Variants in LOXL2 observed in about 807,000 individuals in gnomAD.
The protein encoded by LOXL2 is lysyl oxidase like 2, also known as lysyl oxidase homolog 2.
In LOXL2, 70 loss-of-function variants were observed where a neutral mutation model predicts 93.0. That is an observed-to-expected ratio of 0.75 (90% CI 0.62 to 0.92). The LOEUF is 0.92. Among genes scored for constraint, LOXL2 ranks in the 40% least tolerant of loss-of-function variants. The pLI is 0.00. For missense variants in LOXL2, 973 were observed against 1,054.9 expected, an observed-to-expected ratio of 0.92 and a Z score of 1.08; for synonymous variants, 438 against 413.2, an observed-to-expected ratio of 1.06 and a Z score of -0.73.
At chr8:23,397,203 G>C (rs1800101755) in intron 1 of LOXL2, among the ~76,000 whole-genome samples, 1 of 145,770 alleles carries the variant, frequency 6.9e-6, no homozygotes, top group Non-Finnish European at 1.5e-5. Flanking sequence ...ATTGGTCGGA[G>C]GGGGAGAGTG....
At chr8:23,380,121 G>A (rs186929881) in intron 1 of LOXL2, among the ~76,000 whole-genome samples, 127 of 152,300 alleles carry the variant, frequency 8.3e-4, no homozygotes, top group Middle Eastern at 3.4e-3. Flanking sequence ...TAGGCCAGGC[G>A]TGCTGGCTTA....
intron 5 of LOXL2, among the ~76,000 whole-genome samples, chr8:23,330,080 C>A (rs1385960078): frequency 6.6e-6 from 1 of 151,574 alleles, no homozygotes; most frequent in Non-Finnish European, 1.5e-5. Context: ...AATCCCAGCA[C>A]TTTGGGAGGC....
chr8:23,320,188 T>A, intron 7 of LOXL2, 136 bp from the exon 8 acceptor site: 1 of 913,552 alleles, frequency 1.1e-6, no homozygotes, highest in Non-Finnish European at 1.6e-6. Flanking sequence ...AGCAGCACCC[T>A]TGGGAGCCCC....
chr8:23,374,857 A>G (rs1284592878), intron 1 of LOXL2, among the ~76,000 whole-genome samples: 1 of 152,192 alleles, frequency 6.6e-6, no homozygotes, highest in African/African-American at 2.4e-5. Context: ...CCTTTGTCAG[A>G]TGAGTAGATT....
intron 6 of LOXL2, among the ~76,000 whole-genome samples, chr8:23,326,941 T>A (rs1287914260): frequency 2.0e-5 from 3 of 152,232 alleles, no homozygotes; most frequent in Non-Finnish European, 4.4e-5. Context: ...TGAACAGGAC[T>A]GGGCCAAGGT....
At chr8:23,316,254 T>C (rs1462051628) in intron 9 of LOXL2, among the ~76,000 whole-genome samples, 3 of 152,260 alleles carry the variant, frequency 2.0e-5, no homozygotes, top group African/African-American at 7.2e-5. Flanking sequence ...CCACAGAGGC[T>C]GACACGCTTT....
rs1164748248 is a variant in LOXL2 at position 23,330,348 on chromosome 8, CAAAACAAAACAAAAT to C, written c.967-1798_967-1784del. Reference sequence around the variant, plus strand: ...GACTCCGTCTCAAAACAAAACAAAACAAAACAAAACAAAATAAAACAAAAAAAATCCAAACAGAAC... The same window carrying C: ...GACTCCGTCTCAAAACAAAACAAAACAAAACAAAAAAAATCCAAACAGAAC... On this transcript the variant is annotated intron_variant, in intron 5 of 13. Coordinates refer to ENST00000389131, the MANE Select transcript of LOXL2 (RefSeq NM_002318.3). Among the ~76,000 whole-genome samples, 45 of 152,016 alleles carry C rather than the reference CAAAACAAAACAAAAT, an allele frequency of 3.0e-4. No individual in the cohort carries two copies. In the South Asian group the frequency reaches 8.9e-3, roughly 30 times the overall value.
intron 4 of LOXL2, among the ~76,000 whole-genome samples, chr8:23,334,029 C>T (rs73545965): frequency 0.017 from 2,542 of 152,268 alleles, 77 homozygotes; most frequent in African/African-American, 0.058. Flanking sequence ...TCAGATAATT[C>T]CAACAAAATT....
chr8:23,375,395 G>T (rs1804571444), intron 1 of LOXL2, among the ~76,000 whole-genome samples: 1 of 152,078 alleles, frequency 6.6e-6, no homozygotes, highest in Non-Finnish European at 1.5e-5. Flanking sequence ...CTCCAGCTTT[G>T]TTCTTTTGGC....
In LOXL2 at chr8:23,340,672, C is replaced by T. The variant is rs562469474; in HGVS notation, c.743+320G>A. Among the ~76,000 whole-genome samples, 8 of 152,282 alleles carry T rather than the reference C, an allele frequency of 5.3e-5. No homozygotes were observed. The South Asian group carries it at 1.4e-3, about 28-fold the overall frequency. Reference sequence around the variant, plus strand: ...TAGCTCGTGCAGTCCCTGAGCTGGCCGGCAGCACCCTGAGCTGGGGTTCTC... The same window carrying T: ...TAGCTCGTGCAGTCCCTGAGCTGGCTGGCAGCACCCTGAGCTGGGGTTCTC... On this transcript the variant is annotated intron_variant, in intron 4 of 13. Coordinates refer to ENST00000389131, the MANE Select transcript of LOXL2 (RefSeq NM_002318.3).
At chr8:23,353,010 G>C (rs1356925812) in intron 3 of LOXL2, among the ~76,000 whole-genome samples, 2 of 139,622 alleles carry the variant, frequency 1.4e-5, no homozygotes, top group Non-Finnish European at 3.3e-5. Flanking sequence ...GTGGGGTGGG[G>C]AGGGGTGGAG....
chr8:23,340,932 T>G, intron 4 of LOXL2, 60 bp downstream of exon 4: 2 of 1,470,780 alleles, frequency 1.4e-6, no homozygotes, highest in Non-Finnish European at 1.9e-6. Context: ...GCGGACACTT[T>G]TAACTCTTTT....
intron 1 of LOXL2, among the ~76,000 whole-genome samples, chr8:23,375,475 C>A (rs1455416170): frequency 6.6e-6 from 1 of 152,054 alleles, no homozygotes; most frequent in African/African-American, 2.4e-5. Context: ...TTTTCCAATT[C>A]TGTGAAGAAA....
chr8:23,380,339 G>A (rs1242388354), intron 1 of LOXL2, among the ~76,000 whole-genome samples: 1 of 144,316 alleles, frequency 6.9e-6, no homozygotes, highest in Non-Finnish European at 1.5e-5. Context: ...GTTGCAGTGA[G>A]GTGAGATCAT....
At chr8:23,309,333 A>T (rs962770694) in intron 10 of LOXL2, among the ~76,000 whole-genome samples, 2 of 152,178 alleles carry the variant, frequency 1.3e-5, no homozygotes, top group Non-Finnish European at 2.9e-5. Context: ...AGCCTGGAGT[A>T]CCTGGCAGCA....
chr8:23,329,153 G>A (rs1291602832), intron 5 of LOXL2: 1 of 152,432 alleles, frequency 6.6e-6, no homozygotes, highest in Non-Finnish European at 1.5e-5. Context: ...AGGCAGGAGG[G>A]AGCAGAACGG....
Position 23,368,424 on chromosome 8 carries a change from G to C in LOXL2, c.-73C>G, listed in dbSNP as rs1226824848. The C allele has an allele frequency of 3.7e-5, 48 of 1,309,940 alleles. No individual in the cohort carries two copies. Among genetic ancestry groups the C allele is most frequent in the Non-Finnish European group, 5.2e-5 (48 of 920,496 alleles). The allele number at this position is 1,309,940 out of a possible 1,614,324, so 81.1% of individuals were successfully genotyped here. ...GAGGGACAGGCGGGGTACAGAAGCA[G>C]CAGGAGCTTTCTGGAAGAGAGGAGA... On this transcript the variant is annotated 5_prime_UTR_variant, in exon 2 of 14. Transcript: ENST00000389131.
chr8:23,333,824 G>T (rs1278223959), intron 4 of LOXL2, among the ~76,000 whole-genome samples: 1 of 152,218 alleles, frequency 6.6e-6, no homozygotes, highest in Non-Finnish European at 1.5e-5. Context: ...CTGGGGGACA[G>T]GACGCAGAGG....
At position 23,354,745 on chromosome 8, in the gene LOXL2, C is replaced by T. The variant is rs150046414; in HGVS notation, c.531+5345G>A. On this transcript the variant is annotated intron_variant, in intron 3 of 13. Transcript: ENST00000389131. Reference sequence around the variant, plus strand: ...GAAACTTGGCAATCACTTAATCCCACTTCCCTCCCCATGTAGGCATCTGAC... The same window carrying T: ...GAAACTTGGCAATCACTTAATCCCATTTCCCTCCCCATGTAGGCATCTGAC... Among the ~76,000 whole-genome samples the T allele has an allele frequency of 4.2e-4, 64 of 151,918 alleles. 1 individual carries two copies. The highest frequency in any genetic ancestry group is 1.5e-3 in the African/African-American group (62 of 41,386).
Sources: allele counts gnomAD v4.1 joint callset (sites outside exome capture counted in the v4.1 genomes callset), GRCh38; gene constraint gnomAD v4.1.1; transcripts MANE v1.5; gene names NCBI Gene and HGNC (gene_info 2026-07-23, HGNC 2026-07-21).